B3GLCT: variants seen among roughly 807,000 people sequenced by gnomAD.
B3GLCT encodes beta-1,3-glucosyltransferase.
In B3GLCT, 65 loss-of-function variants were observed where a neutral mutation model predicts 63.4. The ratio of observed to expected loss-of-function variants is 1.03; its 90% CI spans 0.84 to 1.26. The LOEUF is 1.26. B3GLCT is among the 50% of genes most tolerant of loss of function. The pLI is 0.00. For synonymous variants in B3GLCT, 233 were observed against 219.2 expected (o/e 1.06, Z -0.55); for missense variants, 577 against 604.8 (o/e 0.95, Z 0.48).
chr13:31,327,127 A>G (rs1414770322), intron 14 of B3GLCT, among the ~76,000 whole-genome samples: 1 of 152,186 alleles, frequency 6.6e-6, no homozygotes, highest in Non-Finnish European at 1.5e-5. Flanking sequence ...TACGTATACT[A>G]TGTTTTTTCT....
At chr13:31,237,053 T>C (rs1168784604) in intron 4 of B3GLCT, among the ~76,000 whole-genome samples, 1 of 150,940 alleles carries the variant, frequency 6.6e-6, no homozygotes, top group Non-Finnish European at 1.5e-5. Flanking sequence ...CTGGACCTAG[T>C]AGGCGGAGGT....
intron 2 of B3GLCT, among the ~76,000 whole-genome samples, chr13:31,221,165 AAGG>A: frequency 6.6e-6 from 1 of 152,278 alleles, no homozygotes; most frequent in Admixed American, 6.5e-5. Flanking sequence ...TCATTTGCAA[AAGG>A]GGAGTGTTGG....
intron 2 of B3GLCT, among the ~76,000 whole-genome samples, chr13:31,217,563 A>T (rs934364347): frequency 6.6e-6 from 1 of 152,128 alleles, no homozygotes; most frequent in Non-Finnish European, 1.5e-5. Context: ...TAGGGCTTTT[A>T]TAGTTTTAGG....
In B3GLCT at chr13:31,212,690, A is replaced by G. The variant is rs543883352; in HGVS notation, c.71-2361A>G. Among the ~76,000 whole-genome samples, 4 of 152,298 alleles carry G rather than the reference A, an allele frequency of 2.6e-5. No homozygotes were observed. The South Asian group carries it at 8.3e-4, about 32-fold the overall frequency. Reference sequence around the variant, plus strand: ...CTCCCGAAGTGCTGGGATTACACAGATGTGAGCCACCACGCTCAGTGGGAG... The same window carrying G: ...CTCCCGAAGTGCTGGGATTACACAGGTGTGAGCCACCACGCTCAGTGGGAG... On this transcript the variant is annotated intron_variant, in intron 1 of 14. Transcript: ENST00000343307.
At chr13:31,276,086 T>A (rs1872770218) in intron 9 of B3GLCT, among the ~76,000 whole-genome samples, 1 of 152,162 alleles carries the variant, frequency 6.6e-6, no homozygotes, top group South Asian at 2.1e-4. Flanking sequence ...TTGTGCCCCC[T>A]TTCATCTGTG....
intron 4 of B3GLCT, among the ~76,000 whole-genome samples, chr13:31,235,506 A>C (rs566356214): frequency 6.6e-6 from 1 of 151,964 alleles, no homozygotes; most frequent in Admixed American, 6.5e-5. Flanking sequence ...GATGCTGGCT[A>C]CCTGAGGACT....
At position 31,287,744 on chromosome 13, in the gene B3GLCT, TTAAA is replaced by T. The variant is rs1395733639; in HGVS notation, c.1064+928_1064+931del. Among the ~76,000 whole-genome samples, 3 of 152,332 alleles carry T rather than the reference TTAAA, an allele frequency of 2.0e-5. No homozygotes were observed. In the East Asian group the frequency reaches 5.8e-4, roughly 29 times the overall value. On this transcript the variant is annotated intron_variant, in intron 12 of 14. Transcript: ENST00000343307. ...ATTAGAAGTTATTAAGCTGTTACTA[TTAAA>T]TAGTTATTATACCTCTATTCCATAT... is the stretch of plus-strand genomic sequence containing the variant.
At chr13:31,234,112 G>A (rs1870518897) in intron 4 of B3GLCT, among the ~76,000 whole-genome samples, 1 of 151,964 alleles carries the variant, frequency 6.6e-6, no homozygotes, top group Non-Finnish European at 1.5e-5. Context: ...CCGCCTCCCG[G>A]GTTCATGCCA....
intron 10 of B3GLCT, among the ~76,000 whole-genome samples, chr13:31,278,239 C>T (rs1354579254): frequency 6.6e-6 from 1 of 151,610 alleles, no homozygotes; most frequent in Non-Finnish European, 1.5e-5. Context: ...AGGGACACTC[C>T]CTGTTGTATT....
intron 12 of B3GLCT, among the ~76,000 whole-genome samples, chr13:31,288,664 C>G (rs762981358): frequency 5.9e-5 from 9 of 152,178 alleles, no homozygotes; most frequent in Non-Finnish European, 1.0e-4. Context: ...AAAAGTCACA[C>G]AAAGACCACA....
intron 8 of B3GLCT, among the ~76,000 whole-genome samples, chr13:31,274,210 T>G (rs1265316756): frequency 6.6e-6 from 1 of 152,232 alleles, no homozygotes; most frequent in African/African-American, 2.4e-5. Context: ...TTTTCTTACA[T>G]CTCTCTCTGT....
At chr13:31,223,300 A>G (rs1472393738) in intron 3 of B3GLCT, among the ~76,000 whole-genome samples, 1 of 152,180 alleles carries the variant, frequency 6.6e-6, no homozygotes, top group Non-Finnish European at 1.5e-5. Flanking sequence ...CTCTGGGGGA[A>G]TGCAGAGGGG....
intron 1 of B3GLCT, 77 bp downstream of exon 1, chr13:31,200,231 C>G: frequency 4.1e-6 from 4 of 971,264 alleles, no homozygotes; most frequent in Non-Finnish European, 5.1e-6. Context: ...CCGGTCGGCG[C>G]GGGGAGGGAG....
At chr13:31,312,225 C>T (rs530462761) in intron 12 of B3GLCT, 12 of 152,276 alleles carry the variant, frequency 7.9e-5, no homozygotes, top group Admixed American at 2.6e-4. Context: ...GTTATGTCCT[C>T]ATTTGATTGA....
rs549722178 is a variant in B3GLCT at position 31,264,537 on chromosome 13, A to G, written c.596+3455A>G. Among the ~76,000 whole-genome samples, 4 of 152,322 alleles carry G rather than the reference A, an allele frequency of 2.6e-5. No individual in the cohort carries two copies. The South Asian group carries it at 6.2e-4, about 24-fold the overall frequency. On this transcript the variant is annotated intron_variant, in intron 7 of 14. Transcript: ENST00000343307. ...ACCATAATGCCATATTTAAAATTCTACTTACCTTAGATCATATTTCCTTTC... is the reference window on the plus strand; with the variant it reads ...ACCATAATGCCATATTTAAAATTCTGCTTACCTTAGATCATATTTCCTTTC...
rs1875960189 is a variant in B3GLCT at position 31,332,177 on chromosome 13, A to G, written c.*2509A>G. Reference sequence around the variant, plus strand: ...CTTGTTGTATATATCCTCAAAAATTAATGTAATTGACATCTTCAAGAATGT... The same window carrying G: ...CTTGTTGTATATATCCTCAAAAATTGATGTAATTGACATCTTCAAGAATGT... On this transcript the variant is annotated 3_prime_UTR_variant, in exon 15 of 15. Transcript: ENST00000343307. 6.6e-6 allele frequency: 1 copy of G among 152,152 alleles called. No individual in the cohort carries two copies. The highest frequency in any genetic ancestry group is 1.5e-5 in the Non-Finnish European group (1 of 68,000). 9.4% of individuals were successfully genotyped at this position (152,152 alleles called of 1,614,324 possible).
At chr13:31,240,787 G>A (rs1298969638) in intron 4 of B3GLCT, among the ~76,000 whole-genome samples, 2 of 152,058 alleles carry the variant, frequency 1.3e-5, no homozygotes, top group Non-Finnish European at 2.9e-5. Context: ...AAATTGATAG[G>A]CATTAATTGT....
intron 6 of B3GLCT, among the ~76,000 whole-genome samples, chr13:31,255,909 G>T (rs1026563700): frequency 6.6e-6 from 1 of 152,106 alleles, no homozygotes; most frequent in Admixed American, 6.5e-5. Flanking sequence ...CGAAAACACC[G>T]AAAGCAATGG....
chr13:31,223,045 A>C, intron 3 of B3GLCT, 54 bp downstream of exon 3: 1 of 1,142,442 alleles, frequency 8.8e-7, no homozygotes, highest in Non-Finnish European at 1.3e-6. Flanking sequence ...ATTTTGTATG[A>C]ATTATATTTC....
Sources: gnomAD v4.1 joint callset for allele counts (sites outside exome capture counted in the v4.1 genomes callset) on GRCh38, gnomAD v4.1.1 for gene constraint, MANE v1.5 for transcripts, NCBI Gene and HGNC (gene_info 2026-07-23, HGNC 2026-07-21) for gene names.